SH2D4A: variants seen among roughly 807,000 people sequenced by gnomAD.
The protein encoded by SH2D4A is SH2 domain-containing protein 4A.
SH2D4A carries 70 observed loss-of-function variants against 64.7 expected under a neutral mutation model. The observed-to-expected ratio is 1.08, with a 90% CI of 0.89 to 1.32. The LOEUF (loss-of-function observed/expected upper bound fraction) is 1.32. Among genes scored for constraint, SH2D4A ranks in the 40% most tolerant of loss-of-function variants. SH2D4A has a pLI of 0.00. For synonymous variants in SH2D4A, 268 were observed against 200.7 expected (o/e 1.34, Z -2.83); for missense variants, 706 against 540.1 (o/e 1.31, Z -3.04).
intron 8 of SH2D4A, among the ~76,000 whole-genome samples, chr8:19,388,613 A>G (rs2053429876): frequency 6.6e-6 from 1 of 152,216 alleles, no homozygotes; most frequent in Non-Finnish European, 1.5e-5. Context: ...TGATTTTTAA[A>G]CACATTTTCC....
rs141046491 is a variant in SH2D4A at position 19,326,697 on chromosome 8, G to T, written c.182-6258G>T. ...GTGTGTAGTGTGTGTGAGAGCATGT[G>T]TGCCTGCCTCTCCCCCCTCTCGCAC... On this transcript the variant is annotated intron_variant, in intron 2 of 9. Transcript: ENST00000265807. 9.8e-4 allele frequency among the ~76,000 whole-genome samples: 149 copies of T among 152,144 alleles called. 1 individual carries two copies. Among genetic ancestry groups the T allele is most frequent in the African/African-American group, 3.5e-3 (145 of 41,470 alleles).
intron 4 of SH2D4A, among the ~76,000 whole-genome samples, chr8:19,337,570 C>T (rs886480711): frequency 1.3e-5 from 2 of 152,094 alleles, no homozygotes; most frequent in African/African-American, 4.8e-5. Flanking sequence ...AGTCTGTTTT[C>T]ATGCTGCTGA....
In SH2D4A at chr8:19,360,443, A is replaced by G. The variant is rs1786562530; in HGVS notation, c.595-760A>G. Among the ~76,000 whole-genome samples the G allele has an allele frequency of 3.3e-5, 5 of 151,998 alleles. 1 individual carries two copies. The South Asian group carries it at 1.0e-3, about 32-fold the overall frequency. On this transcript the variant is annotated intron_variant, in intron 5 of 9. Coordinates refer to ENST00000265807, the MANE Select transcript of SH2D4A (RefSeq NM_022071.4). ...AGCCTGGCCAACATGGTGAAACTCC[A>G]TCTCTTCAAAAAATACAAAAATTAC... is the stretch of plus-strand genomic sequence containing the variant.
chr8:19,378,526 C>A (rs1051575392), intron 8 of SH2D4A, among the ~76,000 whole-genome samples: 2 of 152,114 alleles, frequency 1.3e-5, no homozygotes, highest in African/African-American at 4.8e-5. Flanking sequence ...ACCTCTGCCT[C>A]CCAGGTTCAA....
At chr8:19,383,847 A>T (rs1585208781) in intron 8 of SH2D4A, among the ~76,000 whole-genome samples, 1 of 152,194 alleles carries the variant, frequency 6.6e-6, no homozygotes, top group East Asian at 1.9e-4. Context: ...AGGGATTTTT[A>T]AAATGTAATC....
intron 2 of SH2D4A, among the ~76,000 whole-genome samples, chr8:19,332,588 C>T (rs2052378851): frequency 7.8e-6 from 1 of 128,818 alleles, no homozygotes; most frequent in Non-Finnish European, 1.6e-5. Flanking sequence ...ATCCCAGCTA[C>T]TTGGGAGGCT....
intron 8 of SH2D4A, among the ~76,000 whole-genome samples, chr8:19,382,918 C>T (rs1038901147): frequency 7.0e-6 from 1 of 143,412 alleles, no homozygotes; most frequent in African/African-American, 2.6e-5. Flanking sequence ...ACAGCCTTGA[C>T]CTCCCAGGTT....
chr8:19,387,648 A>C (rs1264738255), intron 8 of SH2D4A, among the ~76,000 whole-genome samples: 1 of 152,186 alleles, frequency 6.6e-6, no homozygotes, highest in Non-Finnish European at 1.5e-5. Flanking sequence ...AGGGAAAGTA[A>C]GTAAGTAAGT....
intron 7 of SH2D4A, 88 bp downstream of exon 7, chr8:19,364,370 C>G: frequency 6.8e-7 from 1 of 1,460,712 alleles, no homozygotes; most frequent in Non-Finnish European, 9.4e-7. Context: ...GTATGAGCTG[C>G]CATGGGGTGT....
intron 4 of SH2D4A, among the ~76,000 whole-genome samples, chr8:19,351,715 G>T (rs983624475): frequency 9.2e-5 from 14 of 152,230 alleles, no homozygotes; most frequent in African/African-American, 3.4e-4. Context: ...ACAATGTTCT[G>T]TTTGTTGGAG....
Position 19,361,261 on chromosome 8 carries a change from G to T in SH2D4A, c.653G>T (p.Arg218Ile), listed in dbSNP as rs1379652919. Residue 218 changes from arginine to isoleucine, a missense_variant, in exon 6 of 10, where the codon AGA becomes ATA. Transcript: ENST00000265807. ...GAAATAAATCAAATAGAAGAAGAGAGAACGAAGCAGATTTGTAAGAGCTGG... is the reference window on the plus strand; with the variant it reads ...GAAATAAATCAAATAGAAGAAGAGATAACGAAGCAGATTTGTAAGAGCTGG... The part of the protein sequence containing the change: ...DEEINQIEEE[R>I]TKQICKSWKE... 4.3e-6 allele frequency: 7 copies of T among 1,611,964 alleles called. No homozygotes were observed. Among genetic ancestry groups the T allele is most frequent in the Non-Finnish European group, 5.9e-6 (7 of 1,179,048 alleles).
chr8:19,392,447 G>T (rs2053507823), intron 8 of SH2D4A, among the ~76,000 whole-genome samples: 1 of 152,048 alleles, frequency 6.6e-6, no homozygotes, highest in Non-Finnish European at 1.5e-5. Flanking sequence ...AGGCTGTTTA[G>T]CAACATCCCT....
intron 7 of SH2D4A, among the ~76,000 whole-genome samples, chr8:19,366,508 T>A (rs2052997262): frequency 6.6e-6 from 1 of 152,142 alleles, no homozygotes. Flanking sequence ...TTCTATAAGA[T>A]CAACCTGGCT....
intron 9 of SH2D4A, among the ~76,000 whole-genome samples, chr8:19,393,958 A>G (rs1001696695): frequency 2.0e-5 from 3 of 152,172 alleles, no homozygotes; most frequent in African/African-American, 7.2e-5. Flanking sequence ...ACATTGTTAT[A>G]TATAATGAAA....
At chr8:19,389,050 C>T (rs1585214679) in intron 8 of SH2D4A, among the ~76,000 whole-genome samples, 1 of 152,142 alleles carries the variant, frequency 6.6e-6, no homozygotes, top group African/African-American at 2.4e-5. Flanking sequence ...GGAGCAGGTG[C>T]TCAGCAGGTC....
chr8:19,330,840 G>C (rs1011558046), intron 2 of SH2D4A, among the ~76,000 whole-genome samples: 4 of 152,144 alleles, frequency 2.6e-5, no homozygotes, highest in Non-Finnish European at 4.4e-5. Flanking sequence ...ATTATTAGTT[G>C]GCCTGAGAGA....
intron 8 of SH2D4A, among the ~76,000 whole-genome samples, chr8:19,389,777 G>A (rs548057797): frequency 6.6e-6 from 1 of 152,254 alleles, no homozygotes; most frequent in African/African-American, 2.4e-5. Flanking sequence ...ATGGTGGCAC[G>A]TGCTTGCAGT....
At chr8:19,350,411 G>A (rs766455119) in intron 4 of SH2D4A, among the ~76,000 whole-genome samples, 3 of 152,210 alleles carry the variant, frequency 2.0e-5, no homozygotes, top group Non-Finnish European at 4.4e-5. Context: ...TATGACTGAC[G>A]TTCTGTGCTC....
intron 3 of SH2D4A, among the ~76,000 whole-genome samples, 184 bp downstream of exon 3, chr8:19,333,298 C>G (rs1289279855): frequency 1.3e-5 from 2 of 152,100 alleles, no homozygotes; most frequent in Non-Finnish European, 2.9e-5. Context: ...TTTTGGATCT[C>G]TTTAGAAGGT....
Sources: gnomAD v4.1 joint callset for allele counts (sites outside exome capture counted in the v4.1 genomes callset) on GRCh38, gnomAD v4.1.1 for gene constraint, MANE v1.5 for transcripts, NCBI Gene and HGNC (gene_info 2026-07-23, HGNC 2026-07-21) for gene names.